The following OSBPL1A variants were observed in gnomAD, a reference collection of about 807,000 sequenced individuals.
OSBPL1A encodes the protein oxysterol binding protein like 1A, also known as oxysterol-binding protein-related protein 1.
Under a neutral mutation model 137.1 loss-of-function variants are expected in OSBPL1A, and 80 were observed. The ratio of observed to expected loss-of-function variants is 0.58; its 90% CI spans 0.49 to 0.70. The LOEUF is 0.70. Ranked by LOEUF, OSBPL1A falls within the 30% of genes least tolerant of loss-of-function variation. The pLI is 0.00. For missense variants in OSBPL1A, 970 were observed against 1,129.4 expected (o/e 0.86, Z 2.02); for synonymous variants, 365 against 389.7 (o/e 0.94, Z 0.75).
chr18:24,265,571 C>T (rs1472474113), intron 15 of OSBPL1A, among the ~76,000 whole-genome samples: 2 of 152,152 alleles, frequency 1.3e-5, no homozygotes, highest in Non-Finnish European at 2.9e-5. Context: ...AGAAAAACAA[C>T]AACAAAAATC....
chr18:24,363,811 T>C (rs78535517), intron 4 of OSBPL1A, among the ~76,000 whole-genome samples: 12,524 of 151,916 alleles, frequency 0.082, 555 homozygotes, highest in Middle Eastern at 0.1. Flanking sequence ...CAGGCAATTT[T>C]TTTTTTTTAG....
At position 24,308,861 on chromosome 18, in the gene OSBPL1A, G is replaced by A. The variant is rs371341875; in HGVS notation, c.1092+3123C>T. ...CACTGCAACCTGTGCGCCCCGCCCC[G>A]CTGGGTTCAAGCAATTCTCTTGCCT... On this transcript the variant is annotated intron_variant, in intron 13 of 27. Coordinates refer to ENST00000319481, the MANE Select transcript of OSBPL1A (RefSeq NM_080597.4). Among the ~76,000 whole-genome samples the A allele has an allele frequency of 1.3e-4, 20 of 151,618 alleles. No individual in the cohort carries two copies. In the South Asian group the frequency reaches 1.9e-3, roughly 14 times the overall value.
At chr18:24,292,559 G>C (rs1046266438) in intron 14 of OSBPL1A, among the ~76,000 whole-genome samples, 3 of 152,132 alleles carry the variant, frequency 2.0e-5, no homozygotes, top group African/African-American at 7.2e-5. Context: ...AGAGGAGAGA[G>C]AGACCCCCAT....
chr18:24,333,140 C>G, intron 6 of OSBPL1A, 54 bp from the exon 7 acceptor site: 1 of 1,574,832 alleles, frequency 6.3e-7, no homozygotes, highest in Non-Finnish European at 8.7e-7. Flanking sequence ...AGACTTTCCT[C>G]TCATAATTCA....
intron 15 of OSBPL1A, among the ~76,000 whole-genome samples, chr18:24,262,768 G>T (rs1057263116): frequency 8.1e-6 from 1 of 122,804 alleles, no homozygotes; most frequent in Non-Finnish European, 1.6e-5. Flanking sequence ...CCCCTTTCAC[G>T]GTCACTGTCC....
At chr18:24,319,315 T>C (rs1311871282) in intron 7 of OSBPL1A, among the ~76,000 whole-genome samples, 1 of 152,160 alleles carries the variant, frequency 6.6e-6, no homozygotes, top group Non-Finnish European at 1.5e-5. Context: ...CTCCCTCCTA[T>C]CAGGAGCCTT....
chr18:24,172,483 T>C lies in OSBPL1A; in HGVS notation c.2094A>G (p.Glu698=). The part of the protein sequence containing the change: ...PKGTITLELL[E]HNEAYTWTNP... ...TTGTCCATGTATATGCCTCATTGTG[T>C]CTAAAAAACAAAACCAAACCCAGAA... The change falls in exon 22 of 28, where the codon GAA becomes GAG. Residue 698 remains glutamate (E), a splice_region_variant and synonymous_variant. Coordinates refer to ENST00000319481, the MANE Select transcript of OSBPL1A (RefSeq NM_080597.4). 1.2e-6 allele frequency: 2 copies of C among 1,609,846 alleles called. No homozygotes were observed. The highest frequency in any genetic ancestry group is 1.7e-6 in the Non-Finnish European group (2 of 1,176,906).
Position 24,280,917 on chromosome 18 carries a change from T to G in OSBPL1A, c.1206A>C (p.Glu402Asp). 1 of 1,606,728 alleles carries G rather than the reference T, an allele frequency of 6.2e-7. No homozygotes were observed. The highest frequency in any genetic ancestry group is 8.5e-7 in the Non-Finnish European group (1 of 1,178,168). ...EMLPSFLQKV[E>D]VVSEASRETC... Reference sequence around the variant, plus strand: ...TTTCTCTAGAAGCTTCTGAGACAACTTCAACTTTCTGAAGAAATGATGGAA... The same window carrying G: ...TTTCTCTAGAAGCTTCTGAGACAACGTCAACTTTCTGAAGAAATGATGGAA... The change falls in exon 15 of 28, where the codon GAA becomes GAC. Residue 402 changes from glutamate to aspartate, a missense_variant. Coordinates refer to ENST00000319481, the MANE Select transcript of OSBPL1A (RefSeq NM_080597.4).
At chr18:24,208,542 G>A (rs571550515) in intron 17 of OSBPL1A, among the ~76,000 whole-genome samples, 1 of 152,200 alleles carries the variant, frequency 6.6e-6, no homozygotes, top group South Asian at 2.1e-4. Context: ...CATTTGAAAG[G>A]CTAAAAGTTC....
chr18:24,183,577 C>T (rs1327676517), intron 18 of OSBPL1A, among the ~76,000 whole-genome samples: 1 of 151,830 alleles, frequency 6.6e-6, no homozygotes, highest in South Asian at 2.1e-4. Context: ...GAACTACAGG[C>T]GTGCAGCACC....
At chr18:24,298,690 G>T (rs1226806519) in intron 14 of OSBPL1A, among the ~76,000 whole-genome samples, 1 of 152,180 alleles carries the variant, frequency 6.6e-6, no homozygotes, top group Non-Finnish European at 1.5e-5. Context: ...CTCTCTTAGG[G>T]TCTGGATTGG....
At chr18:24,350,918 C>G (rs28893812) in intron 4 of OSBPL1A, among the ~76,000 whole-genome samples, 1,576 of 152,178 alleles carry the variant, frequency 0.01, 19 homozygotes, top group African/African-American at 0.029. Flanking sequence ...TGGAGGAAGA[C>G]ATGGGGCCCA....
At chr18:24,175,648 CTAATT>C (rs1344825331) in intron 21 of OSBPL1A, among the ~76,000 whole-genome samples, 2 of 152,168 alleles carry the variant, frequency 1.3e-5, no homozygotes, top group Non-Finnish European at 2.9e-5. Flanking sequence ...TTAATAACAT[CTAATT>C]TATCACTTTT....
rs2089731187 is a variant in OSBPL1A at position 24,271,918 on chromosome 18, G to A, written c.1281+8924C>T. On this transcript the variant is annotated intron_variant, in intron 15 of 27. Coordinates refer to ENST00000319481, the MANE Select transcript of OSBPL1A (RefSeq NM_080597.4). The surrounding 1 kb of genome is among the most constrained non-coding windows in gnomAD (Gnocchi z 4.0). ...GCCCGCCCGGGCCGCAGAGGTCTGC[G>A]CTGCCCCTCCGCCGCCGCTGGCTCG... 1 of 983,844 alleles carries A rather than the reference G, an allele frequency of 1.0e-6. No individual in the cohort carries two copies. The highest frequency in any genetic ancestry group is 4.7e-5 in the South Asian group (1 of 21,312). 60.9% of individuals were successfully genotyped at this position (983,844 alleles called of 1,614,324 possible). A position where few individuals can be genotyped will look rare whatever the true frequency, so the allele number is the denominator to read the frequency against.
chr18:24,174,413 A>G (rs1040646786), intron 21 of OSBPL1A, among the ~76,000 whole-genome samples: 1 of 152,184 alleles, frequency 6.6e-6, no homozygotes, highest in East Asian at 1.9e-4. Flanking sequence ...AAAGTCTGAA[A>G]CTTTTTGAGC....
At position 24,318,806 on chromosome 18, in the gene OSBPL1A, T is replaced by C. The variant is rs2090788797; in HGVS notation, c.629A>G (p.Gln210Arg). Residue 210 changes from glutamine to arginine, a missense_variant, in exon 8 of 28, where the codon CAG (glutamine) becomes CGG (arginine). Gln to Arg is a conservative substitution (Grantham distance 43, BLOSUM62 1). This residue lies in a region of OSBPL1A where 647 missense variants were observed against 672.6 expected (regional missense o/e 0.96). Coordinates refer to ENST00000319481, the MANE Select transcript of OSBPL1A (RefSeq NM_080597.4). ...ACCCTGGGCAAGGTCAAGAGGTTTC[T>C]GATCTGTGCAAAATACAAAGAAAAA... Reference protein sequence around the residue: ...ADPNLKNKNDQKPLDLAQGAE... With the variant: ...ADPNLKNKNDRKPLDLAQGAE... 1 of 1,613,334 alleles carries C rather than the reference T, an allele frequency of 6.2e-7. No homozygotes were observed. Among genetic ancestry groups the C allele is most frequent in the Non-Finnish European group, 8.5e-7 (1 of 1,179,844 alleles).
chr18:24,361,294 T>A (rs575091702), intron 4 of OSBPL1A, among the ~76,000 whole-genome samples: 1 of 152,372 alleles, frequency 6.6e-6, no homozygotes, highest in South Asian at 2.1e-4. Context: ...CCCAAAGTGC[T>A]GGCATTACAG....
At chr18:24,362,010 A>C (rs960169138) in intron 4 of OSBPL1A, among the ~76,000 whole-genome samples, 1 of 94,858 alleles carries the variant, frequency 1.1e-5, no homozygotes, top group Admixed American at 1.5e-4. Flanking sequence ...AAAAAAAAAA[A>C]AAAAAAAAAG....
At chr18:24,322,106 CTTTT>C (rs71266986) in intron 7 of OSBPL1A, among the ~76,000 whole-genome samples, 1,269 of 122,766 alleles carry the variant, frequency 0.01, 15 homozygotes, top group African/African-American at 0.028. Context: ...AAATATGTGA[CTTTT>C]TTTTTTTTTT....
Sources: allele counts gnomAD v4.1 joint callset (sites outside exome capture counted in the v4.1 genomes callset), GRCh38; gene constraint gnomAD v4.1.1; regional missense constraint gnomAD v4.1.1; non-coding constraint Gnocchi (gnomAD v3.1); transcripts MANE v1.5; gene names NCBI Gene and HGNC (gene_info 2026-07-23, HGNC 2026-07-21).